The following KANK4 variants were observed in gnomAD, a reference collection of about 807,000 sequenced individuals.
The protein encoded by KANK4 is KN motif and ankyrin repeat domains 4.
Under a neutral mutation model 80.8 loss-of-function variants are expected in KANK4, and 50 were observed. That is an observed-to-expected ratio of 0.62 (90% CI 0.49 to 0.78). KANK4 has a LOEUF of 0.78. Among genes scored for constraint, KANK4 ranks in the 30% least tolerant of loss-of-function variants. The pLI, the probability that KANK4 is intolerant of heterozygous loss-of-function variation, is 0.00. For missense variants in KANK4, 1,196 were observed against 1,240.1 expected, an observed-to-expected ratio of 0.96 and a Z score of 0.53; for synonymous variants, 465 against 506.9, an observed-to-expected ratio of 0.92 and a Z score of 1.11.
At chr1:62,297,085 T>A (rs1335846947) in intron 1 of KANK4, among the ~76,000 whole-genome samples, 1 of 151,778 alleles carries the variant, frequency 6.6e-6, no homozygotes, top group Non-Finnish European at 1.5e-5. Flanking sequence ...GGTGTGGTGA[T>A]GCGCACCGAT....
At position 62,281,597 on chromosome 1, in the gene KANK4, C is replaced by T. The variant is rs767799789; in HGVS notation, c.-33G>A. ...GCGCTGACCCTCAGTGTCTCAGGCA[C>T]TCTTCATCCAATGAGTCTGTAAAAC... On this transcript the variant is annotated 5_prime_UTR_variant, in exon 2 of 10. It adds an upstream start codon to the 5' untranslated region. Transcript: ENST00000371153. The T allele has an allele frequency of 1.2e-6, 2 of 1,613,956 alleles. No individual in the cohort carries two copies. Among genetic ancestry groups the T allele is most frequent in the African/African-American group, 1.3e-5 (1 of 75,038 alleles).
At chr1:62,254,674 C>G (rs764640778) in intron 7 of KANK4, among the ~76,000 whole-genome samples, 8 of 151,952 alleles carry the variant, frequency 5.3e-5, no homozygotes, top group Admixed American at 3.3e-4. Context: ...CTGCCTCAGC[C>G]TCCTGAGTAG....
In KANK4 at chr1:62,274,714, C is replaced by A. The variant is rs759453269; in HGVS notation, c.390G>T (p.Lys130Asn). The A allele has an allele frequency of 5.0e-6, 8 of 1,614,208 alleles. No individual in the cohort carries two copies. Among genetic ancestry groups the A allele is most frequent in the South Asian group, 1.1e-5 (1 of 91,084 alleles). Reference protein sequence around the residue: ...TSRSEVSYHRKALLAEATRQL... With the variant: ...TSRSEVSYHRNALLAEATRQL... Reference sequence around the variant, plus strand: ...GTCTGGTGGCCTCTGCCAACAGAGCCTTCCTGTGGTAGCTCACCTCACTCC... The same window carrying A: ...GTCTGGTGGCCTCTGCCAACAGAGCATTCCTGTGGTAGCTCACCTCACTCC... The change falls in exon 3 of 10, where the codon AAG becomes AAT. Residue 130 changes from lysine (K) to asparagine (N), a missense_variant. Physicochemically the swap from Lys to Asn is moderately conservative, Grantham distance 94. This residue lies in a region of KANK4 where 1,154 missense variants were observed against 1,179.6 expected (regional missense o/e 0.98). Coordinates refer to ENST00000371153, the MANE Select transcript of KANK4 (RefSeq NM_181712.5).
At position 62,238,479 on chromosome 1, in the gene KANK4, C is replaced by A. The variant is rs1330279950; in HGVS notation, c.2884-98G>T. On this transcript the variant is annotated intron_variant, in intron 9 of 9. Coordinates refer to ENST00000371153, the MANE Select transcript of KANK4 (RefSeq NM_181712.5). ...GGGAGTAGAGGGTATGCCTGGGACA[C>A]AGGTGTCTATTAAGGCTTCCAGAGA... 3.1e-6 allele frequency: 3 copies of A among 972,550 alleles called. No individual in the cohort carries two copies. The African/African-American group carries it at 4.8e-5, about 16-fold the overall frequency. 60.2% of individuals were successfully genotyped at this position (972,550 alleles called of 1,614,324 possible). A position where few individuals can be genotyped will look rare whatever the true frequency, so the allele number is the denominator to read the frequency against.
At chr1:62,316,118 C>G (rs1340851494) in intron 1 of KANK4, among the ~76,000 whole-genome samples, 1 of 152,262 alleles carries the variant, frequency 6.6e-6, no homozygotes, top group East Asian at 1.9e-4. Flanking sequence ...AGGTCAATAG[C>G]TGGGCCTCTG....
chr1:62,236,593 A>ATTTTTTTT lies in KANK4; in HGVS notation c.*1676_*1683dup, dbSNP rs11449212. The stretch of plus-strand genomic sequence containing the variant: ...ATGGCCTTAATGGGTTACAAATTGG[A>ATTTTTTTT]TTTTTTTTTTTTTTTTTTTTGAGAC... On this transcript the variant is annotated 3_prime_UTR_variant, in exon 10 of 10. Transcript: ENST00000371153. Among the ~76,000 whole-genome samples, 2 of 124,414 alleles carry ATTTTTTTT rather than the reference A, an allele frequency of 1.6e-5. No homozygotes were observed. Among genetic ancestry groups the ATTTTTTTT allele is most frequent in the African/African-American group, 3.1e-5 (1 of 32,206 alleles). 81.6% of individuals were successfully genotyped at this position (124,414 alleles called of 152,430 possible).
chr1:62,245,826 T>C (rs1353249315), intron 9 of KANK4, among the ~76,000 whole-genome samples: 2 of 152,186 alleles, frequency 1.3e-5, no homozygotes, highest in Non-Finnish European at 1.5e-5. Context: ...TCACTTACTG[T>C]TGACTTACCT....
At chr1:62,240,261 G>T (rs1292241036) in intron 9 of KANK4, among the ~76,000 whole-genome samples, 3 of 152,154 alleles carry the variant, frequency 2.0e-5, no homozygotes, top group African/African-American at 7.2e-5. Context: ...TTCTCTGATG[G>T]CCAGTGATGA....
In KANK4 at chr1:62,274,950, T is replaced by C. The variant is rs758572783; in HGVS notation, c.154A>G (p.Ile52Val). The C allele has an allele frequency of 3.1e-6, 5 of 1,613,968 alleles. No homozygotes were observed. The Admixed American group carries it at 6.7e-5, about 22-fold the overall frequency. ...CTTCTGTGGATAGGAATTCTTTTGATAGTGTTTCCCTTCTCGATGTCATCC... is the reference window on the plus strand; with the variant it reads ...CTTCTGTGGATAGGAATTCTTTTGACAGTGTTTCCCTTCTCGATGTCATCC... ...YVDDIEKGNT[I>V]KRIPIHRRAK... Residue 52 changes from isoleucine (I) to valine (V), a missense_variant, in exon 3 of 10, where the codon ATC (isoleucine) becomes GTC (valine). Physicochemically the swap from Ile to Val is conservative, Grantham distance 29. Coordinates refer to ENST00000371153, the MANE Select transcript of KANK4 (RefSeq NM_181712.5).
At chr1:62,242,913 C>A (rs1051593174) in intron 9 of KANK4, among the ~76,000 whole-genome samples, 2 of 152,188 alleles carry the variant, frequency 1.3e-5, no homozygotes, top group Non-Finnish European at 2.9e-5. Flanking sequence ...CCTTTTCCCA[C>A]TGAAATGTCT....
rs1277993328 is a variant in KANK4 at position 62,278,368 on chromosome 1, CCTTCCTTCCTTT to C, written c.16+3169_16+3180del. Among the ~76,000 whole-genome samples the C allele has an allele frequency of 2.5e-3, 48 of 18,852 alleles. 11 individuals are homozygous for C. In the East Asian group the frequency reaches 0.08, roughly 31 times the overall value. The allele number at this position is 18,852 out of a possible 152,430, so 12.4% of individuals were successfully genotyped here. A position where few individuals can be genotyped will look rare whatever the true frequency, so the allele number is the denominator to read the frequency against. ...TCCTTCCTTCCTTCCTTCCTTCCTT[CCTTCCTTCCTTT>C]CTTTCTTTCTTTCTTTCTTTTTTTT... On this transcript the variant is annotated intron_variant, in intron 2 of 9. Coordinates refer to ENST00000371153, the MANE Select transcript of KANK4 (RefSeq NM_181712.5).
chr1:62,292,631 T>C (rs1035108989), intron 1 of KANK4, among the ~76,000 whole-genome samples: 3 of 152,290 alleles, frequency 2.0e-5, no homozygotes, highest in South Asian at 4.2e-4. Flanking sequence ...TATAAAAGCC[T>C]TCCTCCAATT....
intron 1 of KANK4, among the ~76,000 whole-genome samples, chr1:62,306,690 G>T (rs1644454323): frequency 6.6e-6 from 1 of 151,896 alleles, no homozygotes; most frequent in Admixed American, 6.6e-5. Flanking sequence ...GCTGCTAACT[G>T]GTATGATATT....
chr1:62,271,371 G>A, intron 4 of KANK4, 107 bp downstream of exon 4: 6 of 780,606 alleles, frequency 7.7e-6, no homozygotes, highest in South Asian at 7.3e-5. Flanking sequence ...TAATTCCCTT[G>A]AAGAGGAATG....
intron 1 of KANK4, among the ~76,000 whole-genome samples, chr1:62,288,110 C>T (rs989188527): frequency 7.2e-5 from 11 of 151,972 alleles, no homozygotes; most frequent in Admixed American, 2.6e-4. Context: ...CTTACTCAGA[C>T]GTATGTTTAA....
At chr1:62,318,006 C>T (rs1283686630) in intron 1 of KANK4, among the ~76,000 whole-genome samples, 1 of 152,174 alleles carries the variant, frequency 6.6e-6, no homozygotes, top group African/African-American at 2.4e-5. Context: ...AGTATTAGAA[C>T]GGACTCTGCC....
chr1:62,275,623 C>T lies in KANK4; in HGVS notation c.17-536G>A, dbSNP rs375623386. ...AGCCGGAGGTATCAATGAGTTATGC[C>T]GTTTACATTATTTAAGCTTGTGCAG... On this transcript the variant is annotated intron_variant, in intron 2 of 9. Transcript: ENST00000371153. 2.0e-4 allele frequency among the ~76,000 whole-genome samples: 31 copies of T among 152,252 alleles called. No individual in the cohort carries two copies. In the South Asian group the frequency reaches 5.6e-3, roughly 28 times the overall value.
At chr1:62,241,757 G>A (rs1296826583) in intron 9 of KANK4, among the ~76,000 whole-genome samples, 1 of 152,184 alleles carries the variant, frequency 6.6e-6, no homozygotes, top group Non-Finnish European at 1.5e-5. Flanking sequence ...GAGGAGCCTG[G>A]GTTTATGTAG....
intron 1 of KANK4, chr1:62,298,215 G>A (rs1428611082): frequency 1.3e-5 from 2 of 152,156 alleles, no homozygotes; most frequent in Non-Finnish European, 2.9e-5. Flanking sequence ...GATCGTCTCT[G>A]TATCATTCCA....
Sources: allele counts gnomAD v4.1 joint callset (sites outside exome capture counted in the v4.1 genomes callset), GRCh38; gene constraint gnomAD v4.1.1; regional missense constraint gnomAD v4.1.1; transcripts MANE v1.5; gene names NCBI Gene and HGNC (gene_info 2026-07-23, HGNC 2026-07-21).